The following PCDHA8 variants were observed in gnomAD, a reference collection of about 807,000 sequenced individuals.
PCDHA8 encodes the protein protocadherin alpha 8.
Under a neutral mutation model 61.8 loss-of-function variants are expected in PCDHA8, and 53 were observed. The observed-to-expected ratio is 0.86, with a 90% CI of 0.69 to 1.08. PCDHA8 has a LOEUF of 1.08. Among genes scored for constraint, PCDHA8 ranks in the 50% least tolerant of loss-of-function variants. The pLI is 0.00. For missense variants in PCDHA8, 1,293 were observed against 1,245.0 expected (o/e 1.04, Z -0.58); for synonymous variants, 618 against 556.6 (o/e 1.11, Z -1.55).
intron 1 of PCDHA8, chr5:140,884,763 CT>C (rs1206964755): frequency 1.9e-5 from 27 of 1,421,678 alleles, no homozygotes; most frequent in Non-Finnish European, 2.4e-5. Context: ...TTATTCTTTA[CT>C]TTAATTTTAA....
At chr5:140,917,354 G>T (rs148449289) in intron 1 of PCDHA8, among the ~76,000 whole-genome samples, 7 of 143,854 alleles carry the variant, frequency 4.9e-5, no homozygotes, top group African/African-American at 1.8e-4. Flanking sequence ...GTAGGCTTCT[G>T]TTCCACTATC....
intron 1 of PCDHA8, chr5:140,856,304 A>C (rs782114957): frequency 1.3e-5 from 21 of 1,598,432 alleles, no homozygotes; most frequent in Non-Finnish European, 1.8e-5. Flanking sequence ...TTTGTTTGTG[A>C]ATTCTCGGAT....
At chr5:140,871,709 C>A in intron 1 of PCDHA8, 6 of 829,698 alleles carry the variant, frequency 7.2e-6, no homozygotes, top group Non-Finnish European at 1.1e-5. Flanking sequence ...CAATAAATGT[C>A]CTATTTCTCT....
rs782776341 is a variant in PCDHA8 at position 140,884,056 on chromosome 5, G to A, written c.2394+40341G>A. On this transcript the variant is annotated intron_variant, in intron 1 of 3. Coordinates refer to ENST00000531613, the MANE Select transcript of PCDHA8 (RefSeq NM_018911.3). ...GCCACGTGGTGGCGAAGGTGCGCGC[G>A]GTGGACGCCGATTCGGGCTACAATG... 3.1e-6 allele frequency: 5 copies of A among 1,613,476 alleles called. No homozygotes were observed. In the South Asian group the frequency reaches 4.4e-5, roughly 14 times the overall value.
At chr5:140,958,133 G>T (rs1472500802) in intron 1 of PCDHA8, among the ~76,000 whole-genome samples, 2 of 152,046 alleles carry the variant, frequency 1.3e-5, no homozygotes, top group East Asian at 3.8e-4. Flanking sequence ...ATGTATCAGT[G>T]TGTATATTTA....
intron 1 of PCDHA8, among the ~76,000 whole-genome samples, chr5:140,956,241 T>G (rs1396335938): frequency 1.3e-5 from 2 of 152,204 alleles, no homozygotes; most frequent in African/African-American, 4.8e-5. Context: ...TCAAGGGGAA[T>G]GCTTCCAGGT....
chr5:141,000,657 A>T (rs1403117310), intron 3 of PCDHA8, among the ~76,000 whole-genome samples: 1 of 151,102 alleles, frequency 6.6e-6, no homozygotes, highest in Non-Finnish European at 1.5e-5. Flanking sequence ...CGAACTCCTG[A>T]CCTCAGGTGA....
At chr5:140,884,977 A>C (rs782168505) in intron 1 of PCDHA8, among the ~76,000 whole-genome samples, 19 of 152,222 alleles carry the variant, frequency 1.2e-4, no homozygotes, top group Admixed American at 5.2e-4. Context: ...GAGAACTTAA[A>C]CATTTAGAAA....
intron 1 of PCDHA8, chr5:140,855,886 A>C: frequency 1.0e-6 from 1 of 980,916 alleles, no homozygotes; most frequent in Non-Finnish European, 1.5e-6. Context: ...GCTTTTTAGA[A>C]CAAAGGCATC....
chr5:140,971,392 T>C (rs1399891976), intron 1 of PCDHA8, among the ~76,000 whole-genome samples: 1 of 152,154 alleles, frequency 6.6e-6, no homozygotes, highest in East Asian at 1.9e-4. Flanking sequence ...TAAAGGCAAA[T>C]TTCTGCCAGG....
At position 140,895,475 on chromosome 5, in the gene PCDHA8, G is replaced by A. The variant is rs532993154; in HGVS notation, c.2394+51760G>A. Among the ~76,000 whole-genome samples the A allele has an allele frequency of 2.0e-4, 31 of 152,002 alleles. No individual in the cohort carries two copies. The South Asian group carries it at 5.0e-3, about 24-fold the overall frequency. On this transcript the variant is annotated intron_variant, in intron 1 of 3. Coordinates refer to ENST00000531613, the MANE Select transcript of PCDHA8 (RefSeq NM_018911.3). ...TATTGGTCATTTCTTTATCCTCTTC[G>A]GAGAAATACCTATTCAGAACTTTTG...
chr5:140,845,266 T>G (rs1779777521), intron 1 of PCDHA8, among the ~76,000 whole-genome samples: 1 of 149,636 alleles, frequency 6.7e-6, no homozygotes, highest in Non-Finnish European at 1.5e-5. Context: ...TGTTTTCCTT[T>G]GTGAAAGTAA....
chr5:140,949,992 G>A (rs2094439293), intron 1 of PCDHA8, among the ~76,000 whole-genome samples: 1 of 151,522 alleles, frequency 6.6e-6, no homozygotes, highest in African/African-American at 2.4e-5. Flanking sequence ...ACTTTTCTCA[G>A]TCCACTTAAT....
intron 1 of PCDHA8, chr5:140,877,005 C>A (rs1433546348): frequency 6.2e-7 from 1 of 1,612,356 alleles, no homozygotes; most frequent in African/African-American, 1.3e-5. Flanking sequence ...TGTCGGTGCA[C>A]GCGGAGAGCG....
At chr5:140,965,195 T>C (rs1368041910) in intron 1 of PCDHA8, among the ~76,000 whole-genome samples, 3 of 152,198 alleles carry the variant, frequency 2.0e-5, no homozygotes, top group Admixed American at 6.5e-5. Context: ...CATGAGGCAA[T>C]AGATTTCAAA....
intron 1 of PCDHA8, among the ~76,000 whole-genome samples, chr5:140,973,873 G>A (rs546928847): frequency 3.3e-5 from 5 of 152,292 alleles, no homozygotes; most frequent in African/African-American, 1.2e-4. Flanking sequence ...TGAGAGGTCA[G>A]AATAATGTCA....
intron 1 of PCDHA8, among the ~76,000 whole-genome samples, chr5:140,941,247 CTTTCTTTCTCTT>C (rs1165264412): frequency 7.0e-5 from 9 of 128,506 alleles, no homozygotes; most frequent in African/African-American, 1.7e-4. Context: ...TTCTTTCTTT[CTTTCTTTCTCTT>C]TCTTTCTTTC....
Position 140,856,323 on chromosome 5 carries a change from A to T in PCDHA8, c.2394+12608A>T, listed in dbSNP as rs781846770. ...TTTGTGAATTCTCGGATTGACCGCG[A>T]GGAGCTGTGCGGGCGGAGCGTGGAG... On this transcript the variant is annotated intron_variant, in intron 1 of 3. Transcript: ENST00000531613. The T allele has an allele frequency of 3.1e-6, 5 of 1,598,532 alleles. No individual in the cohort carries two copies. The East Asian group carries it at 1.1e-4, about 36-fold the overall frequency.
chr5:140,941,199 C>CTCCCT (rs2092799099), intron 1 of PCDHA8, among the ~76,000 whole-genome samples: 1 of 115,882 alleles, frequency 8.6e-6, no homozygotes, highest in South Asian at 2.6e-4. Flanking sequence ...TTTTTTCTTT[C>CTCCCT]TTCCTTTCTT....
Sources: gnomAD v4.1 joint callset for allele counts (sites outside exome capture counted in the v4.1 genomes callset) on GRCh38, gnomAD v4.1.1 for gene constraint, MANE v1.5 for transcripts, NCBI Gene and HGNC (gene_info 2026-07-23, HGNC 2026-07-21) for gene names.